The following PLXDC2 variants were observed in gnomAD, a reference collection of about 807,000 sequenced individuals.
The protein encoded by PLXDC2 is plexin domain-containing protein 2.
Under a neutral mutation model 68.9 loss-of-function variants are expected in PLXDC2, and 40 were observed. The observed-to-expected ratio is 0.58, with a 90% CI of 0.45 to 0.76. PLXDC2 has a LOEUF of 0.76. PLXDC2 is among the 30% of genes least tolerant of loss of function. The pLI is 0.00. For missense variants in PLXDC2, 644 were observed against 661.9 expected (o/e 0.97, Z 0.30); for synonymous variants, 243 against 234.2 (o/e 1.04, Z -0.34).
In PLXDC2 at chr10:20,281,616, G is replaced by A. The variant is rs1836083004; in HGVS notation, c.*1797G>A. The A allele has an allele frequency of 6.6e-6, 1 of 152,122 alleles. No homozygotes were observed. The highest frequency in any genetic ancestry group is 6.6e-5 in the Admixed American group (1 of 15,264). 9.4% of individuals were successfully genotyped at this position (152,122 alleles called of 1,614,324 possible). A position where few individuals can be genotyped will look rare whatever the true frequency, so the allele number is the denominator to read the frequency against. On this transcript the variant is annotated 3_prime_UTR_variant, in exon 14 of 14. Transcript: ENST00000377252. ...TGCTTTACAATTTTAAGTATTTGATGAAGATGGTAACTTTTTCCTAACTTA... is the reference window on the plus strand; with the variant it reads ...TGCTTTACAATTTTAAGTATTTGATAAAGATGGTAACTTTTTCCTAACTTA...
chr10:19,837,103 A>T (rs1836807626), intron 1 of PLXDC2, among the ~76,000 whole-genome samples: 1 of 145,512 alleles, frequency 6.9e-6, no homozygotes, highest in Admixed American at 6.8e-5. Context: ...GGTGAATTGA[A>T]GGTTTTTTTT....
At position 20,015,904 on chromosome 10, in the gene PLXDC2, A is replaced by T. The variant is rs575180539; in HGVS notation, c.324+13918A>T. Among the ~76,000 whole-genome samples, 14 of 152,248 alleles carry T rather than the reference A, an allele frequency of 9.2e-5. 1 individual carries two copies. In the South Asian group the frequency reaches 2.9e-3, roughly 32 times the overall value. On this transcript the variant is annotated intron_variant, in intron 2 of 13. Transcript: ENST00000377252. ...TCTTATTGGCAAATTTGCCCTCTCA[A>T]CCAAGTATTTCTTTTTACTAAGAAC...
intron 6 of PLXDC2, among the ~76,000 whole-genome samples, chr10:20,162,013 ACT>A (rs1199266432): frequency 1.4e-5 from 2 of 143,710 alleles, no homozygotes; most frequent in Non-Finnish European, 3.0e-5. Flanking sequence ...CAAGAGTGAA[ACT>A]CTGTCAGAAA....
Position 20,289,416 on chromosome 10 carries a change from C to T in PLXDC2, c.*9597C>T, listed in dbSNP as rs1836201439. The T allele has an allele frequency of 1.3e-5, 2 of 152,190 alleles. No individual in the cohort carries two copies. Among genetic ancestry groups the T allele is most frequent in the African/African-American group, 2.4e-5 (1 of 41,446 alleles). The allele number at this position is 152,190 out of a possible 1,614,324, so 9.4% of individuals were successfully genotyped here. A position where few individuals can be genotyped will look rare whatever the true frequency, so the allele number is the denominator to read the frequency against. ...TCAAGGTACTTCAGTTCAGCTCTTG[C>T]CTCTGTCACTAATCTTGCTTTATGA... On this transcript the variant is annotated 3_prime_UTR_variant, in exon 14 of 14. Transcript: ENST00000377252.
chr10:19,846,871 C>T (rs1029186909), intron 1 of PLXDC2, among the ~76,000 whole-genome samples: 1 of 152,256 alleles, frequency 6.6e-6, no homozygotes, highest in Middle Eastern at 3.4e-3. Context: ...GTTTAATGGA[C>T]TCACAGTTCC....
chr10:19,912,216 G>GC (rs1439366915), intron 1 of PLXDC2, among the ~76,000 whole-genome samples: 2 of 151,780 alleles, frequency 1.3e-5, no homozygotes, highest in Non-Finnish European at 2.9e-5. Context: ...GGTTTTTTTT[G>GC]CCTGTTTTTC....
At chr10:19,847,276 G>T (rs1443345225) in intron 1 of PLXDC2, among the ~76,000 whole-genome samples, 1 of 152,154 alleles carries the variant, frequency 6.6e-6, no homozygotes, top group Non-Finnish European at 1.5e-5. Flanking sequence ...TGTTTAGAGG[G>T]TAGAGAAAAG....
intron 12 of PLXDC2, among the ~76,000 whole-genome samples, chr10:20,240,910 T>G (rs1474131958): frequency 1.3e-5 from 2 of 152,206 alleles, no homozygotes; most frequent in African/African-American, 4.8e-5. Flanking sequence ...TGACTTGCTC[T>G]GTTAGAACAC....
chr10:20,001,879 A>G lies in PLXDC2; in HGVS notation c.217A>G (p.Lys73Glu), dbSNP rs759813325. ...HRWKRNLDFL[K>E]AVDTNRASVG... ...GTGGAAAAGAAACTTGGACTTTCTC[A>G]AGGCGGTAGACACGAACCGAGCAAG... The change falls in exon 2 of 14, where the codon AAG (lysine) becomes GAG (glutamate). Residue 73 changes from lysine (K) to glutamate (E), a missense_variant. By Grantham distance (56) the Lys-to-Glu change is moderately conservative. Around this residue, in one of 3 missense-constraint regions of PLXDC2, gnomAD observed 201 missense variants for 166.9 expected, o/e 1.20. Transcript: ENST00000377252. 3 of 1,613,902 alleles carry G rather than the reference A, an allele frequency of 1.9e-6. No individual in the cohort carries two copies. Among genetic ancestry groups the G allele is most frequent in the Non-Finnish European group, 8.5e-7 (1 of 1,179,910 alleles).
chr10:20,210,130 T>C (rs1012558847), intron 9 of PLXDC2, among the ~76,000 whole-genome samples: 2 of 152,120 alleles, frequency 1.3e-5, no homozygotes, highest in African/African-American at 4.8e-5. Context: ...CCAAGACCTT[T>C]AGTGGATGCC....
At chr10:20,073,457 T>G (rs2131712585) in intron 4 of PLXDC2, among the ~76,000 whole-genome samples, 1 of 152,358 alleles carries the variant, frequency 6.6e-6, no homozygotes, top group Admixed American at 6.5e-5. Flanking sequence ...TGTATTTTAC[T>G]ACGAATAAGC....
chr10:20,262,112 C>G (rs1835815430), intron 13 of PLXDC2, among the ~76,000 whole-genome samples: 1 of 152,080 alleles, frequency 6.6e-6, no homozygotes, highest in South Asian at 2.1e-4. Flanking sequence ...CAAGATAGGA[C>G]AACGGCCCAC....
intron 4 of PLXDC2, among the ~76,000 whole-genome samples, chr10:20,090,556 A>G (rs1180978528): frequency 6.6e-6 from 1 of 152,162 alleles, no homozygotes; most frequent in African/African-American, 2.4e-5. Flanking sequence ...ACCTTCCTTC[A>G]TATTGTGCCA....
chr10:20,198,911 G>C (rs1301029482), intron 9 of PLXDC2, among the ~76,000 whole-genome samples: 2 of 152,050 alleles, frequency 1.3e-5, no homozygotes, highest in Non-Finnish European at 2.9e-5. Flanking sequence ...ATGTTGATTG[G>C]AAGCGGTGAC....
chr10:19,884,168 A>T (rs1172290590), intron 1 of PLXDC2, among the ~76,000 whole-genome samples: 1 of 151,802 alleles, frequency 6.6e-6, no homozygotes, highest in African/African-American at 2.4e-5. Context: ...AAGTGCTGGA[A>T]TTACAGGTGT....
At chr10:20,003,933 C>T (rs955542187) in intron 2 of PLXDC2, among the ~76,000 whole-genome samples, 2 of 152,154 alleles carry the variant, frequency 1.3e-5, no homozygotes, top group South Asian at 4.1e-4. Flanking sequence ...TCTGTCGTCA[C>T]GTACGGTCTG....
chr10:19,875,145 C>G (rs1006703476), intron 1 of PLXDC2, among the ~76,000 whole-genome samples: 3 of 152,092 alleles, frequency 2.0e-5, no homozygotes, highest in African/African-American at 7.2e-5. Context: ...TGTGGTTAGC[C>G]TTATAATGCT....
chr10:20,167,050 C>T (rs906445702), intron 7 of PLXDC2, among the ~76,000 whole-genome samples: 4 of 152,214 alleles, frequency 2.6e-5, no homozygotes, highest in African/African-American at 7.2e-5. Context: ...GAAAAGCAGT[C>T]ACATTTTCTG....
chr10:20,217,730 C>G (rs7094469), intron 11 of PLXDC2, among the ~76,000 whole-genome samples, 154 bp downstream of exon 11: 3 of 148,394 alleles, frequency 2.0e-5, no homozygotes, highest in Non-Finnish European at 3.0e-5. Context: ...TAAGGGATTT[C>G]CAAAGGGGAA....
Sources: gnomAD v4.1 joint callset for allele counts (sites outside exome capture counted in the v4.1 genomes callset) on GRCh38, gnomAD v4.1.1 for gene constraint, gnomAD v4.1.1 regional missense constraint, MANE v1.5 for transcripts, NCBI Gene and HGNC (gene_info 2026-07-23, HGNC 2026-07-21) for gene names.